Variants in ADGRL1 observed in about 807,000 individuals in gnomAD.
ADGRL1 encodes adhesion G protein-coupled receptor L1.
Under a neutral mutation model 148.9 loss-of-function variants are expected in ADGRL1, and 31 were observed. The observed-to-expected ratio is 0.21, with a 90% CI of 0.16 to 0.28. The LOEUF (loss-of-function observed/expected upper bound fraction) is 0.28. Ranked by LOEUF, ADGRL1 falls within the 10% of genes least tolerant of loss-of-function variation. The probability of loss-of-function intolerance (pLI) is 1.00; values close to 1 mark genes in which losing one functional copy is unlikely to be tolerated. For synonymous variants in ADGRL1, 937 were observed against 900.3 expected, an observed-to-expected ratio of 1.04 and a Z score of -0.73; for missense variants, 1,521 against 2,058.8, an observed-to-expected ratio of 0.74 and a Z score of 5.05.
chr19:14,184,732 T>C (rs948270454), intron 1 of ADGRL1, among the ~76,000 whole-genome samples: 3 of 151,326 alleles, frequency 2.0e-5, no homozygotes, highest in Non-Finnish European at 4.4e-5. Flanking sequence ...CTCCGCCTCC[T>C]GGGTTCACGC....
chr19:14,179,298 T>TC (rs745408268), intron 2 of ADGRL1, among the ~76,000 whole-genome samples: 3 of 151,406 alleles, frequency 2.0e-5, no homozygotes, highest in Non-Finnish European at 2.9e-5. Flanking sequence ...ATTGAGACCA[T>TC]CCTGGCTAAA....
chr19:14,152,767 C>A lies in ADGRL1; in HGVS notation c.3423+17G>T, dbSNP rs1293889670. On this transcript the variant is annotated intron_variant, in intron 19 of 22. Transcript: ENST00000361434. The surrounding 1 kb of genome is among the most constrained non-coding windows in gnomAD (Gnocchi z 6.1). The stretch of plus-strand genomic sequence containing the variant: ...GTTCCAACACTCAGCCCCAGGGAGT[C>A]CTGTCTGGCCCGATACCTGGGTCCC... The A allele has an allele frequency of 1.2e-6, 2 of 1,613,538 alleles. No individual in the cohort carries two copies. The highest frequency in any genetic ancestry group is 1.3e-5 in the African/African-American group (1 of 75,052).
chr19:14,166,408 T>G (rs958605449), intron 4 of ADGRL1, among the ~76,000 whole-genome samples: 2 of 151,710 alleles, frequency 1.3e-5, no homozygotes, highest in Non-Finnish European at 2.9e-5. Context: ...CTTGGAAACA[T>G]CAAACCAGAA....
chr19:14,205,648 C>G (rs1462277110), intron 1 of ADGRL1, among the ~76,000 whole-genome samples: 1 of 151,410 alleles, frequency 6.6e-6, no homozygotes, highest in East Asian at 2.0e-4. Flanking sequence ...CCCACAAAGG[C>G]TGGCGCGCGC....
intron 1 of ADGRL1, among the ~76,000 whole-genome samples, chr19:14,197,184 G>A (rs977002844): frequency 1.8e-4 from 28 of 151,938 alleles, no homozygotes; most frequent in Admixed American, 1.6e-3. Context: ...AGGCAGCAGG[G>A]TCATTCAAGC....
intron 1 of ADGRL1, among the ~76,000 whole-genome samples, chr19:14,188,554 G>GA (rs1971729587): frequency 6.6e-6 from 1 of 152,108 alleles, no homozygotes; most frequent in African/African-American, 2.4e-5. Flanking sequence ...CCTCCAGCCA[G>GA]AACCCCAGGA....
intron 1 of ADGRL1, among the ~76,000 whole-genome samples, chr19:14,186,141 C>T (rs371062223): frequency 4.6e-5 from 7 of 152,312 alleles, no homozygotes; most frequent in African/African-American, 1.7e-4. Context: ...TCACTGCAGC[C>T]TCCACCTCCC....
intron 4 of ADGRL1, chr19:14,166,894 C>A (rs1329916138): frequency 1.5e-5 from 16 of 1,048,892 alleles, no homozygotes; most frequent in Non-Finnish European, 2.1e-5. Flanking sequence ...GTGGGGGATA[C>A]CGACCGGACC....
In ADGRL1 at chr19:14,163,063, G is replaced by A. The variant is rs768649426; in HGVS notation, c.738C>T (p.Thr246=). ...AGGGCGAGGTGTCATGGTAGTTGGC[G>A]GTATTGATGACCGTCTCCCCGCTCT... ...RIKSGETVIN[T]ANYHDTSPYR... The change falls in exon 5 of 23, where the codon ACC becomes ACT. Residue 246 remains threonine, a synonymous_variant. Coordinates refer to ENST00000361434, the MANE Select transcript of ADGRL1 (RefSeq NM_014921.5). The A allele has an allele frequency of 1.1e-5, 18 of 1,613,976 alleles. No individual in the cohort carries two copies. Among genetic ancestry groups the A allele is most frequent in the South Asian group, 2.2e-5 (2 of 91,086 alleles).
chr19:14,171,717 G>GA (rs1970486631), intron 3 of ADGRL1, among the ~76,000 whole-genome samples: 1 of 152,184 alleles, frequency 6.6e-6, no homozygotes, highest in Non-Finnish European at 1.5e-5. Flanking sequence ...GGGCAGCCAG[G>GA]AGAGAGCATC....
chr19:14,182,755 GT>G (rs1971287836), intron 2 of ADGRL1, among the ~76,000 whole-genome samples: 1 of 152,212 alleles, frequency 6.6e-6, no homozygotes, highest in South Asian at 2.1e-4. Flanking sequence ...GGCAGAGAAC[GT>G]AGCAGCAGAG....
Position 14,160,360 on chromosome 19 carries a change from C to A in ADGRL1, c.1615-63G>T. 6.8e-7 allele frequency: 1 copy of A among 1,469,632 alleles called. No individual in the cohort carries two copies. Among genetic ancestry groups the A allele is most frequent in the Non-Finnish European group, 9.3e-7 (1 of 1,079,894 alleles). The allele number at this position is 1,469,632 out of a possible 1,614,324, so 91.0% of individuals were successfully genotyped here. The stretch of plus-strand genomic sequence containing the variant: ...CTGTCAGGGACCATCCTGCCCTCCC[C>A]GGCTTCCCTGGCCTGTGCAGCCTCT... On this transcript the variant is annotated intron_variant, in intron 7 of 22. Coordinates refer to ENST00000361434, the MANE Select transcript of ADGRL1 (RefSeq NM_014921.5). This position sits in a 1 kb window ranked among gnomAD's most constrained non-coding sequence, Gnocchi z 5.9.
chr19:14,171,574 G>C (rs943922444), intron 3 of ADGRL1, among the ~76,000 whole-genome samples: 1 of 152,230 alleles, frequency 6.6e-6, no homozygotes, highest in Non-Finnish European at 1.5e-5. Context: ...TACATGTGAA[G>C]CCATGCACGT....
intron 3 of ADGRL1, among the ~76,000 whole-genome samples, chr19:14,175,870 C>G (rs1816524918): frequency 6.6e-6 from 1 of 151,888 alleles, no homozygotes; most frequent in Non-Finnish European, 1.5e-5. Context: ...ACCTGGCCAA[C>G]ATGGTAAAAC....
intron 2 of ADGRL1, among the ~76,000 whole-genome samples, chr19:14,183,214 A>AGC (rs1555790241): frequency 6.9e-6 from 1 of 145,066 alleles, no homozygotes; most frequent in African/African-American, 2.5e-5. Flanking sequence ...AGAGAGAGAG[A>AGC]GAGCGAGAGA....
At chr19:14,181,461 G>C (rs1197101838) in intron 2 of ADGRL1, among the ~76,000 whole-genome samples, 1 of 152,168 alleles carries the variant, frequency 6.6e-6, no homozygotes, top group Non-Finnish European at 1.5e-5. Context: ...GTTCACGCCT[G>C]TAATCCCAGC....
intron 1 of ADGRL1, among the ~76,000 whole-genome samples, chr19:14,198,003 G>C (rs1972372777): frequency 6.6e-6 from 1 of 152,142 alleles, no homozygotes; most frequent in African/African-American, 2.4e-5. Flanking sequence ...CCCCTAAAAA[G>C]TGACATTTCG....
chr19:14,168,484 C>T (rs572604506), intron 4 of ADGRL1, among the ~76,000 whole-genome samples: 3 of 152,130 alleles, frequency 2.0e-5, no homozygotes, highest in Non-Finnish European at 4.4e-5. Context: ...CTCAGGCTAT[C>T]TCTCTTCCAT....
chr19:14,176,449 C>G (rs1350901056), intron 3 of ADGRL1, among the ~76,000 whole-genome samples: 1 of 152,194 alleles, frequency 6.6e-6, no homozygotes, highest in Non-Finnish European at 1.5e-5. Flanking sequence ...CTTGCATGCT[C>G]AAGCATTCAC....
Sources: gnomAD v4.1 joint callset for allele counts (sites outside exome capture counted in the v4.1 genomes callset) on GRCh38, gnomAD v4.1.1 for gene constraint, Gnocchi (gnomAD v3.1) non-coding constraint, MANE v1.5 for transcripts, NCBI Gene and HGNC (gene_info 2026-07-23, HGNC 2026-07-21) for gene names.